LDLRAD4: variants seen among roughly 807,000 people sequenced by gnomAD.
The protein encoded by LDLRAD4 is low-density lipoprotein receptor class A domain-containing protein 4.
Under a neutral mutation model 17.0 loss-of-function variants are expected in LDLRAD4, and 5 were observed. That is an observed-to-expected ratio of 0.29 (90% confidence interval 0.15 to 0.62). LDLRAD4 has a LOEUF of 0.62. LDLRAD4 is among the 20% of genes least tolerant of loss of function. LDLRAD4 has a pLI of 0.84. For synonymous variants in LDLRAD4, 168 were observed against 171.8 expected (o/e 0.98, Z 0.17); for missense variants, 340 against 424.7 (o/e 0.80, Z 1.75).
chr18:13,370,735 G>T (rs1430386516), intron 1 of LDLRAD4, among the ~76,000 whole-genome samples: 2 of 8,406 alleles, frequency 2.4e-4, no homozygotes, highest in Non-Finnish European at 5.0e-4. Context: ...TTTTGAGATG[G>T]ATTCTTGCTT....
chr18:13,437,529 C>T (rs980055604), intron 2 of LDLRAD4, among the ~76,000 whole-genome samples: 2 of 152,172 alleles, frequency 1.3e-5, no homozygotes, highest in Non-Finnish European at 2.9e-5. Context: ...TTGATTCGTA[C>T]AGACTTTAGG....
intron 3 of LDLRAD4, among the ~76,000 whole-genome samples, chr18:13,475,472 G>A (rs1478744686): frequency 7.2e-6 from 1 of 138,276 alleles, no homozygotes; most frequent in Non-Finnish European, 1.5e-5. Flanking sequence ...TGCTGTGTTG[G>A]CCAGGCTGGT....
intron 3 of LDLRAD4, among the ~76,000 whole-genome samples, chr18:13,566,520 GC>G (rs1402040576): frequency 6.6e-6 from 1 of 151,940 alleles, no homozygotes; most frequent in African/African-American, 2.4e-5. Flanking sequence ...CTGCCACCAC[GC>G]CCGGCTGATC....
intron 1 of LDLRAD4, among the ~76,000 whole-genome samples, chr18:13,254,138 G>C (rs2043374237): frequency 6.6e-6 from 1 of 152,262 alleles, no homozygotes; most frequent in African/African-American, 2.4e-5. Flanking sequence ...CTGGAGGCAG[G>C]TGATGGAGCT....
chr18:13,544,035 G>A (rs1157161899), intron 3 of LDLRAD4, among the ~76,000 whole-genome samples: 4 of 152,270 alleles, frequency 2.6e-5, no homozygotes, highest in Non-Finnish European at 4.4e-5. Context: ...TGCACACAGT[G>A]TGCACACAGG....
At chr18:13,488,966 A>G (rs955321918) in intron 3 of LDLRAD4, 1 of 152,222 alleles carries the variant, frequency 6.6e-6, no homozygotes, top group African/African-American at 2.4e-5. Flanking sequence ...TGAAAGTACA[A>G]AGATTTATTG....
Position 13,590,502 on chromosome 18 carries a change from C to T in LDLRAD4, c.182-30615C>T, listed in dbSNP as rs1445934824. Among the ~76,000 whole-genome samples, 4 of 152,340 alleles carry T rather than the reference C, an allele frequency of 2.6e-5. No homozygotes were observed. In the South Asian group the frequency reaches 6.2e-4, roughly 24 times the overall value. Reference sequence around the variant, plus strand: ...TGCCTGTGACTGTTCAGAATGTACACGGCCCTGCAGCTCCCGAAGGCCAGC... The same window carrying T: ...TGCCTGTGACTGTTCAGAATGTACATGGCCCTGCAGCTCCCGAAGGCCAGC... On this transcript the variant is annotated intron_variant, in intron 3 of 5. Transcript: ENST00000359446.
intron 3 of LDLRAD4, among the ~76,000 whole-genome samples, chr18:13,535,969 T>C (rs951651372): frequency 3.9e-5 from 6 of 152,194 alleles, no homozygotes; most frequent in African/African-American, 1.4e-4. Context: ...CGTATAACAT[T>C]GAGTGTCTTT....
At chr18:13,296,467 C>T (rs2046281828) in intron 1 of LDLRAD4, among the ~76,000 whole-genome samples, 1 of 152,150 alleles carries the variant, frequency 6.6e-6, no homozygotes, top group Non-Finnish European at 1.5e-5. Context: ...CACCATGTCC[C>T]TGGGTCCTCA....
chr18:13,597,008 T>A (rs1469435933), intron 3 of LDLRAD4, among the ~76,000 whole-genome samples: 3 of 152,216 alleles, frequency 2.0e-5, no homozygotes, highest in African/African-American at 7.2e-5. Flanking sequence ...CAGTTATCTT[T>A]CCTGGAGCTC....
intron 3 of LDLRAD4, among the ~76,000 whole-genome samples, chr18:13,460,832 T>C (rs2146554660): frequency 6.6e-6 from 1 of 152,338 alleles, no homozygotes; most frequent in East Asian, 1.9e-4. Flanking sequence ...ATTATAGATT[T>C]TGCTGAAGAG....
At chr18:13,260,498 T>C (rs2043755412) in intron 1 of LDLRAD4, among the ~76,000 whole-genome samples, 1 of 152,188 alleles carries the variant, frequency 6.6e-6, no homozygotes, top group Non-Finnish European at 1.5e-5. Context: ...CTGAGTAGTA[T>C]TGGTTTTATG....
intron 3 of LDLRAD4, among the ~76,000 whole-genome samples, chr18:13,594,356 T>G (rs75931341): frequency 6.6e-6 from 1 of 152,140 alleles, no homozygotes; most frequent in Non-Finnish European, 1.5e-5. Flanking sequence ...TTGTGTATAC[T>G]CATAATAAGC....
chr18:13,261,115 T>A (rs1271372428), intron 1 of LDLRAD4, among the ~76,000 whole-genome samples: 3 of 152,218 alleles, frequency 2.0e-5, no homozygotes, highest in African/African-American at 4.8e-5. Flanking sequence ...TCAGCTACGA[T>A]GGACTGTGTC....
At chr18:13,519,775 A>G (rs2093925524) in intron 3 of LDLRAD4, 1 of 152,162 alleles carries the variant, frequency 6.6e-6, no homozygotes, top group African/African-American at 2.4e-5. Context: ...CTAAAAAACA[A>G]AAAAGTGGAA....
intron 3 of LDLRAD4, among the ~76,000 whole-genome samples, chr18:13,480,018 C>T (rs2093044796): frequency 6.6e-6 from 1 of 152,206 alleles, no homozygotes; most frequent in Non-Finnish European, 1.5e-5. Context: ...TCTTTCAAAA[C>T]TCAGCATAAT....
intron 3 of LDLRAD4, among the ~76,000 whole-genome samples, chr18:13,499,711 A>G (rs2093579128): frequency 6.6e-6 from 1 of 150,478 alleles, no homozygotes; most frequent in African/African-American, 2.5e-5. Context: ...ATCTCCACAC[A>G]TGTCCCGCCG....
intron 2 of LDLRAD4, among the ~76,000 whole-genome samples, chr18:13,400,913 A>G (rs969662298): frequency 6.6e-6 from 1 of 152,238 alleles, no homozygotes. Flanking sequence ...AGGTGGAGGC[A>G]GACCCCATGT....
At chr18:13,330,195 G>A (rs949704785) in intron 1 of LDLRAD4, among the ~76,000 whole-genome samples, 31 of 152,200 alleles carry the variant, frequency 2.0e-4, no homozygotes, top group African/African-American at 6.7e-4. Context: ...TCCTGACCTC[G>A]TGATCCACCT....
Sources: allele counts gnomAD v4.1 joint callset (sites outside exome capture counted in the v4.1 genomes callset), GRCh38; gene constraint gnomAD v4.1.1; transcripts MANE v1.5; gene names NCBI Gene and HGNC (gene_info 2026-07-23, HGNC 2026-07-21).